Variants in TJP1 observed in about 807,000 individuals in gnomAD.
TJP1 encodes the protein tight junction protein ZO-1.
Under a neutral mutation model 194.2 loss-of-function variants are expected in TJP1, and 43 were observed. The ratio of observed to expected loss-of-function variants is 0.22; its 90% CI spans 0.17 to 0.29. The LOEUF is 0.29. TJP1 is among the 10% of genes least tolerant of loss of function. The pLI is 1.00. For synonymous variants in TJP1, 801 were observed against 779.0 expected, an observed-to-expected ratio of 1.03 and a Z score of -0.47; for missense variants, 1,971 against 2,185.7, an observed-to-expected ratio of 0.90 and a Z score of 1.96.
At chr15:29,927,192 T>C (rs1190170700) in intron 2 of TJP1, among the ~76,000 whole-genome samples, 1 of 152,124 alleles carries the variant, frequency 6.6e-6, no homozygotes, top group Non-Finnish European at 1.5e-5. Flanking sequence ...TGGTGGCGCA[T>C]GCCTGTAATC....
chr15:29,869,054 T>TA (rs1230076362), intron 2 of TJP1, among the ~76,000 whole-genome samples: 4 of 152,186 alleles, frequency 2.6e-5, no homozygotes, highest in Non-Finnish European at 5.9e-5. Flanking sequence ...GAAAAGAGAT[T>TA]GCTTAATAAA....
chr15:29,823,212 C>T (rs978462064), upstream of TJP1: 1 of 152,250 alleles, frequency 6.6e-6, no homozygotes, highest in Non-Finnish European at 1.5e-5. Context: ...TTCTTGTTGA[C>T]CGAACGGGTC....
At chr15:29,832,098 T>C (rs2050854696) in intron 2 of TJP1, among the ~76,000 whole-genome samples, 1 of 152,130 alleles carries the variant, frequency 6.6e-6, no homozygotes, top group African/African-American at 2.4e-5. Context: ...GCTCTTCTCA[T>C]CAACAGATGG....
chr15:29,862,804 C>G (rs565799257), intron 2 of TJP1, among the ~76,000 whole-genome samples: 2 of 151,644 alleles, frequency 1.3e-5, no homozygotes, highest in African/African-American at 4.8e-5. Context: ...CCTGCCACCA[C>G]GCCTGGCTAA....
chr15:29,868,973 T>C (rs888931671), intron 2 of TJP1, among the ~76,000 whole-genome samples: 3 of 152,082 alleles, frequency 2.0e-5, no homozygotes, highest in Non-Finnish European at 4.4e-5. Context: ...TAAAAATATA[T>C]AAGGGAATTT....
At chr15:29,968,161 C>T (rs2056394302) in intron 1 of TJP1, 1 of 985,324 alleles carries the variant, frequency 1.0e-6, no homozygotes, top group Admixed American at 6.1e-5. Flanking sequence ...CAGTCCCTGA[C>T]AATGCAATAA....
At chr15:29,743,417 T>C (rs1168492538) in intron 8 of TJP1, among the ~76,000 whole-genome samples, 1 of 152,186 alleles carries the variant, frequency 6.6e-6, no homozygotes, top group African/African-American at 2.4e-5. Context: ...GTAACATATA[T>C]AAGAATTTGG....
In TJP1 at chr15:29,796,677, T is replaced by A. The variant is rs115658613; in HGVS notation, c.84+3969A>T. 1.8e-3 allele frequency among the ~76,000 whole-genome samples: 268 copies of A among 152,274 alleles called. 1 individual carries two copies. The highest frequency in any genetic ancestry group is 6.1e-3 in the African/African-American group (252 of 41,582). ...GAAGGAAGATAAAAGTTGACAAAAT[T>A]ATTCTAAAATTTATACAGAAAGGCA... On this transcript the variant is annotated intron_variant, in intron 2 of 27. Transcript: ENST00000614355.
chr15:29,733,603 C>T (rs944765421), intron 12 of TJP1, among the ~76,000 whole-genome samples: 5 of 152,188 alleles, frequency 3.3e-5, no homozygotes, highest in African/African-American at 1.2e-4. Flanking sequence ...ACATTATAGA[C>T]ATTTCCATAT....
chr15:29,727,044 A>G, intron 16 of TJP1, 53 bp from the exon 17 acceptor site: 1 of 1,539,644 alleles, frequency 6.5e-7, no homozygotes, highest in Admixed American at 1.7e-5. Context: ...ATTAATTAAG[A>G]ATCACCAAAT....
intron 23 of TJP1, among the ~76,000 whole-genome samples, chr15:29,715,397 G>A (rs547918824): frequency 6.6e-5 from 10 of 152,244 alleles, no homozygotes; most frequent in African/African-American, 2.4e-4. Flanking sequence ...TTAAATATAG[G>A]ACAGTGAAAA....
At chr15:29,818,919 G>A (rs2050131658) in intron 1 of TJP1, among the ~76,000 whole-genome samples, 1 of 151,874 alleles carries the variant, frequency 6.6e-6, no homozygotes, top group African/African-American at 2.4e-5. Flanking sequence ...CCAGGTTCAA[G>A]CAATTCTCCT....
chr15:29,744,614 A>G (rs1397059377), intron 8 of TJP1, among the ~76,000 whole-genome samples: 1 of 152,204 alleles, frequency 6.6e-6, no homozygotes, highest in African/African-American at 2.4e-5. Context: ...TTACAGCTGC[A>G]TTCTCCCAAC....
At chr15:29,811,342 A>G (rs1009030191) in intron 1 of TJP1, among the ~76,000 whole-genome samples, 1 of 149,786 alleles carries the variant, frequency 6.7e-6, no homozygotes, top group Non-Finnish European at 1.5e-5. Flanking sequence ...TGAAAAGATT[A>G]TTTCAGAAAA....
intron 2 of TJP1, among the ~76,000 whole-genome samples, chr15:29,833,285 C>T (rs1047226721): frequency 2.6e-5 from 4 of 151,988 alleles, no homozygotes; most frequent in South Asian, 2.1e-4. Context: ...TAATAATATA[C>T]GTATAAGGAT....
intron 2 of TJP1, among the ~76,000 whole-genome samples, chr15:29,920,973 CAGAT>C (rs1447050688): frequency 2.0e-5 from 3 of 152,104 alleles, no homozygotes; most frequent in African/African-American, 7.2e-5. Flanking sequence ...GTGAAATGGA[CAGAT>C]GGATGGATCG....
chr15:29,898,290 T>C lies in TJP1; in HGVS notation c.306+57942A>G, dbSNP rs541195009. The stretch of plus-strand genomic sequence containing the variant: ...AGCTCTCTTCTCTTGTCTGCCGCCA[T>C]GTGAGACATTCCTTTCACTTTCCAT... On this transcript the variant is annotated intron_variant, in intron 2 of 28. Transcript: ENST00000356107. Among the ~76,000 whole-genome samples, 132 of 152,316 alleles carry C rather than the reference T, an allele frequency of 8.7e-4. 1 individual carries two copies. The highest frequency in any genetic ancestry group is 3.1e-3 in the African/African-American group (130 of 41,558).
intron 4 of TJP1, among the ~76,000 whole-genome samples, chr15:29,769,665 T>C (rs1243464079): frequency 6.6e-6 from 1 of 152,108 alleles, no homozygotes; most frequent in African/African-American, 2.4e-5. Context: ...AATATCACAA[T>C]GGAGCTGAAA....
intron 2 of TJP1, among the ~76,000 whole-genome samples, chr15:29,858,593 G>C (rs566921179): frequency 1.3e-5 from 2 of 151,914 alleles, no homozygotes; most frequent in African/African-American, 4.8e-5. Context: ...AATCAGGCTG[G>C]AGTACAGTGC....
Sources: allele counts gnomAD v4.1 joint callset (sites outside exome capture counted in the v4.1 genomes callset), GRCh38; gene constraint gnomAD v4.1.1; transcripts MANE v1.5; gene names NCBI Gene and HGNC (gene_info 2026-07-23, HGNC 2026-07-21).